CCDC88C: variants seen among roughly 807,000 people sequenced by gnomAD.
The protein encoded by CCDC88C is protein Daple.
A neutral mutation model predicts 198.8 loss-of-function variants in CCDC88C; 131 were observed. The observed-to-expected ratio is 0.66, with a 90% CI of 0.57 to 0.76. The LOEUF is 0.76. Ranked by LOEUF, CCDC88C falls within the 30% of genes least tolerant of loss-of-function variation. The probability of loss-of-function intolerance (pLI) is 0.00; values close to 1 mark genes in which losing one functional copy is unlikely to be tolerated. For missense variants in CCDC88C, 2,553 were observed against 2,631.6 expected (o/e 0.97, Z 0.65); for synonymous variants, 1,166 against 1,114.7 (o/e 1.05, Z -0.92).
At position 91,278,212 on chromosome 14, in the gene CCDC88C, C is replaced by A; in HGVS notation, c.4769-1G>T. The A allele has an allele frequency of 6.3e-7, 1 of 1,593,438 alleles. No individual in the cohort carries two copies. ...CGGCCATGGAGCTGCTCGGAGGAGCCTGGGTGTCAGGGCAGGAGACAGAGG... is the reference window on the plus strand; with the variant it reads ...CGGCCATGGAGCTGCTCGGAGGAGCATGGGTGTCAGGGCAGGAGACAGAGG... On this transcript the variant is annotated splice_acceptor_variant, in intron 28 of 29. Coordinates refer to ENST00000389857, the MANE Select transcript of CCDC88C (RefSeq NM_001080414.4). LOFTEE classifies it high-confidence loss of function.
At position 91,326,012 on chromosome 14, in the gene CCDC88C, C is replaced by T; in HGVS notation, c.1095G>A (p.Met365Ile). ...GAGCAGCAGTCAGCTGTTCCTCCAG[C>T]ATGGCCTTGGTTTCAATTAAAATGA... ...DNIILIETKA[M>I]LEEQLTAARA... Residue 365 changes from methionine to isoleucine, a missense_variant, in exon 11 of 30, where the codon ATG becomes ATA. Transcript: ENST00000389857. The T allele has an allele frequency of 1.2e-6, 2 of 1,606,108 alleles. No individual in the cohort carries two copies. The highest frequency in any genetic ancestry group is 1.3e-5 in the African/African-American group (1 of 74,896).
rs1344724087 is a variant in CCDC88C, at chr14:91,277,225, G to C, written c.5058+697C>G. On this transcript the variant is annotated intron_variant, in intron 29 of 29. Coordinates refer to ENST00000389857, the MANE Select transcript of CCDC88C (RefSeq NM_001080414.4). ...GTATTTTTTGTAGAGATGGTGGCCAGGCTGGTCTCAAACTCCTGGACTCAG... is the reference window on the plus strand; with the variant it reads ...GTATTTTTTGTAGAGATGGTGGCCACGCTGGTCTCAAACTCCTGGACTCAG... 2.6e-5 allele frequency among the ~76,000 whole-genome samples: 4 copies of C among 152,200 alleles called. No individual in the cohort carries two copies. The East Asian group carries it at 7.7e-4, about 29-fold the overall frequency.
At chr14:91,368,758 G>A (rs1894652551) in intron 3 of CCDC88C, among the ~76,000 whole-genome samples, 1 of 152,130 alleles carries the variant, frequency 6.6e-6, no homozygotes, top group African/African-American at 2.4e-5. Flanking sequence ...TGCAGGTGTT[G>A]GAACGTCTAC....
At position 91,325,468 on chromosome 14, in the gene CCDC88C, C is replaced by T. The variant is rs1392655083; in HGVS notation, c.1197+442G>A. 6.6e-6 allele frequency among the ~76,000 whole-genome samples: 1 copy of T among 152,206 alleles called. No homozygotes were observed. The highest frequency in any genetic ancestry group is 1.5e-5 in the Non-Finnish European group (1 of 68,030). ...TACTCCCCGCAGTCAACAAGTCATTCGTGGTAGCAGTGGCAGCAGCAACGG... is the reference window on the plus strand; with the variant it reads ...TACTCCCCGCAGTCAACAAGTCATTTGTGGTAGCAGTGGCAGCAGCAACGG... On this transcript the variant is annotated intron_variant, in intron 11 of 29. Transcript: ENST00000389857. This position sits in a 1 kb window ranked among gnomAD's most constrained non-coding sequence, Gnocchi z 4.1.
chr14:91,385,173 C>G (rs1294570794), intron 3 of CCDC88C, among the ~76,000 whole-genome samples: 1 of 152,048 alleles, frequency 6.6e-6, no homozygotes, highest in Non-Finnish European at 1.5e-5. Flanking sequence ...GCACACAGAG[C>G]CCACGTGGAA....
chr14:91,288,180 G>C lies in CCDC88C; in HGVS notation c.4441+925C>G, dbSNP rs1313046280. Among the ~76,000 whole-genome samples, 3 of 152,216 alleles carry C rather than the reference G, an allele frequency of 2.0e-5. No homozygotes were observed. Among genetic ancestry groups the C allele is most frequent in the Admixed American group, 6.5e-5 (1 of 15,282 alleles). ...TGGCCCTGTACCGTTTGATTGCCTC[G>C]TGGTATATAAAGTAACTGTGCAGCT... is the stretch of plus-strand genomic sequence containing the variant. On this transcript the variant is annotated intron_variant, in intron 25 of 29. Transcript: ENST00000389857. The surrounding 1 kb of genome is among the most constrained non-coding windows in gnomAD (Gnocchi z 4.2).
At chr14:91,391,771 T>G (rs1885519542) in intron 3 of CCDC88C, among the ~76,000 whole-genome samples, 1 of 151,994 alleles carries the variant, frequency 6.6e-6, no homozygotes, top group African/African-American at 2.4e-5. Flanking sequence ...AGAGCAAGAC[T>G]CCGTCTCAAA....
At chr14:91,315,072 G>A (rs1026793470) in intron 14 of CCDC88C, among the ~76,000 whole-genome samples, 20 of 152,152 alleles carry the variant, frequency 1.3e-4, no homozygotes, top group African/African-American at 3.9e-4. Context: ...TCTGGCCAAC[G>A]TGACGTCTAC....
At chr14:91,408,797 G>A in intron 2 of CCDC88C, 30 bp from the exon 3 acceptor site, 2 of 1,429,216 alleles carry the variant, frequency 1.4e-6, no homozygotes, top group South Asian at 1.2e-5. Context: ...AATGGAAATT[G>A]CATCTCCCAG....
At chr14:91,360,331 C>T (rs2065800365) in intron 3 of CCDC88C, among the ~76,000 whole-genome samples, 1 of 151,660 alleles carries the variant, frequency 6.6e-6, no homozygotes, top group East Asian at 1.9e-4. Context: ...GCCTGGGATC[C>T]CTGCTACTTG....
intron 5 of CCDC88C, 26 bp from the exon 6 acceptor site, chr14:91,342,489 G>C: frequency 2.0e-6 from 3 of 1,474,262 alleles, no homozygotes; most frequent in Non-Finnish European, 2.8e-6. Flanking sequence ...TGTGTTAATG[G>C]AAGCGCTGTT....
intron 18 of CCDC88C, among the ~76,000 whole-genome samples, chr14:91,306,442 A>G (rs887628646): frequency 6.6e-6 from 1 of 152,234 alleles, no homozygotes; most frequent in Non-Finnish European, 1.5e-5. Context: ...GTCTTTTACT[A>G]TCCCTTATTA....
intron 2 of CCDC88C, among the ~76,000 whole-genome samples, chr14:91,413,746 G>T (rs11851555): frequency 6.6e-6 from 1 of 152,156 alleles, no homozygotes; most frequent in Non-Finnish European, 1.5e-5. Context: ...TTCTCCGGTT[G>T]CCGGAGACAA....
intron 4 of CCDC88C, among the ~76,000 whole-genome samples, chr14:91,354,615 T>C (rs1037551655): frequency 2.0e-5 from 3 of 152,142 alleles, no homozygotes; most frequent in Non-Finnish European, 2.9e-5. Context: ...GGCCTTCTTA[T>C]CTATGAGAGC....
chr14:91,273,132 C>A lies in CCDC88C; in HGVS notation c.5580G>T (p.Arg1860=). The stretch of plus-strand genomic sequence containing the variant: ...TGCCAGCCTTTCCCACAAGTGGGGT[C>A]CGCTCCCGGGCCAGGCTATGGGAGC... The part of the protein sequence containing the change: ...PPSSHSLARE[R]TPLVGKAGSS... The change falls in exon 30 of 30, where the codon CGG becomes CGT. Residue 1860 remains arginine (R), a synonymous_variant. Coordinates refer to ENST00000389857, the MANE Select transcript of CCDC88C (RefSeq NM_001080414.4). The surrounding 1 kb of genome is among the most constrained non-coding windows in gnomAD (Gnocchi z 5.6). The A allele has an allele frequency of 6.3e-7, 1 of 1,576,304 alleles. No homozygotes were observed. The highest frequency in any genetic ancestry group is 8.6e-7 in the Non-Finnish European group (1 of 1,161,418).
intron 10 of CCDC88C, among the ~76,000 whole-genome samples, chr14:91,333,969 G>A (rs190070811): frequency 2.5e-4 from 38 of 152,270 alleles, no homozygotes; most frequent in African/African-American, 7.5e-4. Flanking sequence ...CTGTTTTCCC[G>A]CTGACCTTTT....
rs149826970 is a variant in CCDC88C at position 91,381,336 on chromosome 14, G to C, written c.271-21625C>G. Among the ~76,000 whole-genome samples, 3 of 152,314 alleles carry C rather than the reference G, an allele frequency of 2.0e-5. No homozygotes were observed. The highest frequency in any genetic ancestry group is 7.2e-5 in the African/African-American group (3 of 41,568). ...CACAGGGTACTGGGGACACAGATGT[G>C]ACCAACCAGCCCGCAAACTTGGGGA... On this transcript the variant is annotated intron_variant, in intron 3 of 29. Transcript: ENST00000389857. The surrounding 1 kb of genome is among the most constrained non-coding windows in gnomAD (Gnocchi z 4.2).
At chr14:91,357,406 C>G (rs577643768) in intron 4 of CCDC88C, among the ~76,000 whole-genome samples, 1 of 152,244 alleles carries the variant, frequency 6.6e-6, no homozygotes, top group Non-Finnish European at 1.5e-5. Flanking sequence ...GTGCGTGTCA[C>G]CATGCCCGGC....
chr14:91,413,236 C>CA (rs1886877908), intron 2 of CCDC88C, among the ~76,000 whole-genome samples: 1 of 152,196 alleles, frequency 6.6e-6, no homozygotes, highest in Non-Finnish European at 1.5e-5. Flanking sequence ...CACACAAACT[C>CA]AGATCTGGGC....
Sources: allele counts gnomAD v4.1 joint callset (sites outside exome capture counted in the v4.1 genomes callset), GRCh38; gene constraint gnomAD v4.1.1; non-coding constraint Gnocchi (gnomAD v3.1); transcripts MANE v1.5; gene names NCBI Gene and HGNC (gene_info 2026-07-23, HGNC 2026-07-21).